MAMLD1: variants seen among roughly 807,000 people sequenced by gnomAD.
MAMLD1 encodes the protein mastermind-like domain-containing protein 1.
In MAMLD1, 14 loss-of-function variants were observed where a neutral mutation model predicts 45.0. The observed-to-expected ratio is 0.31, with a 90% CI of 0.21 to 0.49. MAMLD1 has a LOEUF of 0.49. Ranked by LOEUF, MAMLD1 falls within the 20% of genes least tolerant of loss-of-function variation. The pLI is 0.99. For missense variants in MAMLD1, 543 were observed against 603.6 expected, an observed-to-expected ratio of 0.90 and a Z score of 1.05; for synonymous variants, 254 against 247.8, an observed-to-expected ratio of 1.02 and a Z score of -0.24.
chrX:150,471,984 C>A (rs2036444618), intron 4 of MAMLD1, among the ~76,000 whole-genome samples: 1 of 112,023 alleles, frequency 8.9e-6, no homozygotes, highest in Admixed American at 9.4e-5. Context: ...TCAGTCAGGT[C>A]GTGAAAGGAA....
chrX:150,456,809 T>A (rs890082890), intron 2 of MAMLD1, among the ~76,000 whole-genome samples: 2 of 112,315 alleles, frequency 1.8e-5, no homozygotes, highest in Admixed American at 1.9e-4. Flanking sequence ...GGAGCTCACC[T>A]TTTCAGGGTT....
At chrX:150,448,570 G>C (rs781902621) in intron 2 of MAMLD1, among the ~76,000 whole-genome samples, 47 of 112,279 alleles carry the variant, frequency 4.2e-4, no homozygotes, top group Non-Finnish European at 7.9e-4. Flanking sequence ...AGTGTGACTG[G>C]TTAATGACTC....
chrX:150,396,439 T>A (rs1166703534), intron 1 of MAMLD1, among the ~76,000 whole-genome samples: 1 of 111,579 alleles, frequency 9.0e-6, no homozygotes, highest in African/African-American at 3.3e-5. Context: ...TTTTGACCCA[T>A]GTGTTATTTA....
At chrX:150,415,105 C>A (rs1182078081) in intron 1 of MAMLD1, among the ~76,000 whole-genome samples, 1 of 112,364 alleles carries the variant, frequency 8.9e-6, no homozygotes, top group African/African-American at 3.2e-5. Flanking sequence ...ATGTCTGCTG[C>A]ATACTGGATA....
chrX:150,511,954 G>A (rs1042505144), intron 7 of MAMLD1, 50 bp from the exon 8 acceptor site: 31 of 1,022,237 alleles, frequency 3.0e-5, no homozygotes, highest in Middle Eastern at 2.7e-4. Context: ...CACAGCCCAA[G>A]TCGAGGATGC....
intron 1 of MAMLD1, among the ~76,000 whole-genome samples, chrX:150,431,526 A>G (rs1179809795): frequency 9.0e-6 from 1 of 110,504 alleles, no homozygotes; most frequent in African/African-American, 3.3e-5. Context: ...CGTAATAAGC[A>G]TAGTACCTGA....
At chrX:150,441,865 TGA>T (rs2035327139) in intron 1 of MAMLD1, among the ~76,000 whole-genome samples, 1 of 111,527 alleles carries the variant, frequency 9.0e-6, no homozygotes, top group Non-Finnish European at 1.9e-5. Flanking sequence ...TATCAGTTGT[TGA>T]GAGAGGGTGT....
At chrX:150,367,211 G>C (rs1334398146) in intron 1 of MAMLD1, among the ~76,000 whole-genome samples, 1 of 101,072 alleles carries the variant, frequency 9.9e-6, no homozygotes, top group African/African-American at 3.7e-5. Flanking sequence ...TGTGTGGGTT[G>C]AAATAGGAAC....
chrX:150,366,022 C>T (rs949435623), intron 1 of MAMLD1, among the ~76,000 whole-genome samples: 1 of 112,093 alleles, frequency 8.9e-6, no homozygotes. Flanking sequence ...CGCCCCTGTG[C>T]CCCAAAGTGG....
chrX:150,436,069 T>A (rs914007866), intron 1 of MAMLD1, among the ~76,000 whole-genome samples: 1 of 112,282 alleles, frequency 8.9e-6, no homozygotes, highest in Non-Finnish European at 1.9e-5. Context: ...ATGTAGGGTT[T>A]CTGCCGAATG....
rs2032887067 is a variant in MAMLD1, at chrX:150,385,556, C to T, written c.-64+22026C>T. 4.5e-5 allele frequency among the ~76,000 whole-genome samples: 5 copies of T among 111,566 alleles called. No individual in the cohort carries two copies. The Admixed American group carries it at 4.8e-4, about 11-fold the overall frequency. ...TAAGTAAATCATATGGAAGAGTAAA[C>T]ATATTTACTATTCACTAAATGAAAT... On this transcript the variant is annotated intron_variant, in intron 1 of 7. Transcript: ENST00000370401.
chrX:150,412,366 G>A (rs2034144461), intron 1 of MAMLD1, among the ~76,000 whole-genome samples: 2 of 110,525 alleles, frequency 1.8e-5, no homozygotes, highest in Non-Finnish European at 3.8e-5. Flanking sequence ...TGACACAGAC[G>A]GAGAAACCAC....
chrX:150,486,842 A>G (rs2037006227), intron 5 of MAMLD1, among the ~76,000 whole-genome samples: 3 of 112,206 alleles, frequency 2.7e-5, no homozygotes, highest in African/African-American at 9.7e-5. Flanking sequence ...AAAGCAGCAC[A>G]CGGTGGTCAC....
intron 1 of MAMLD1, among the ~76,000 whole-genome samples, chrX:150,366,944 TC>T (rs1459853339): frequency 9.1e-6 from 1 of 109,434 alleles, no homozygotes; most frequent in Non-Finnish European, 1.9e-5. Flanking sequence ...TAGCATTCTT[TC>T]CCCCCTTTCC....
intron 5 of MAMLD1, among the ~76,000 whole-genome samples, chrX:150,494,389 G>A (rs782138029): frequency 1.8e-3 from 201 of 111,158 alleles, no homozygotes; most frequent in Middle Eastern, 4.6e-3. Flanking sequence ...GCAAGACTCC[G>A]TCTCAAAAAC....
chrX:150,476,125 G>C lies in MAMLD1; in HGVS notation c.2040+2323G>C, dbSNP rs146708532. ...CTTTAAATTACAGATAAGGGATGTG[G>C]ACCTGGAATTATTAAGGGAGGGATC... On this transcript the variant is annotated intron_variant, in intron 5 of 7. Transcript: ENST00000370401. Among the ~76,000 whole-genome samples the C allele has an allele frequency of 4.3e-3, 482 of 111,620 alleles. 3 individuals carry two copies. The highest frequency in any genetic ancestry group is 0.015 in the African/African-American group (471 of 30,702).
At chrX:150,388,529 A>G (rs782027906) in intron 1 of MAMLD1, among the ~76,000 whole-genome samples, 4 of 112,345 alleles carry the variant, frequency 3.6e-5, no homozygotes, top group African/African-American at 1.3e-4. Flanking sequence ...AACTTCCTTA[A>G]CAGTGATAGT....
At chrX:150,395,896 T>G (rs2124503980) in intron 1 of MAMLD1, among the ~76,000 whole-genome samples, 1 of 111,095 alleles carries the variant, frequency 9.0e-6, no homozygotes, top group Admixed American at 9.6e-5. Context: ...TTCAATGATT[T>G]TTCTCTATTG....
rs12842509 is a variant in MAMLD1, at chrX:150,398,349, G to A, written c.-64+34819G>A. On this transcript the variant is annotated intron_variant, in intron 1 of 7. Transcript: ENST00000370401. ...AAGAAGAAGAAGAAGAAGAGGAAGA[G>A]GAAGAGGAAGAGGAAGAGGAAGAGG... 5.1e-3 allele frequency among the ~76,000 whole-genome samples: 443 copies of A among 87,059 alleles called. 5 individuals are homozygous for A. Among genetic ancestry groups the A allele is most frequent in the African/African-American group, 0.018 (354 of 20,087 alleles). 75.6% of individuals were successfully genotyped at this position (87,059 alleles called of 115,157 possible).
Sources: allele counts gnomAD v4.1 joint callset (sites outside exome capture counted in the v4.1 genomes callset), GRCh38; gene constraint gnomAD v4.1.1; transcripts MANE v1.5; gene names NCBI Gene and HGNC (gene_info 2026-07-23, HGNC 2026-07-21).